The following PIK3CB variants were observed in gnomAD, a reference collection of about 807,000 sequenced individuals.
PIK3CB encodes the protein phosphatidylinositol 4,5-bisphosphate 3-kinase catalytic subunit beta isoform.
Under a neutral mutation model 136.8 loss-of-function variants are expected in PIK3CB, and 39 were observed. That is an observed-to-expected ratio of 0.29 (90% CI 0.22 to 0.37). The LOEUF (loss-of-function observed/expected upper bound fraction) is 0.37. Among genes scored for constraint, PIK3CB ranks in the 10% least tolerant of loss-of-function variants. The probability of loss-of-function intolerance (pLI) is 1.00; values close to 1 mark genes in which losing one functional copy is unlikely to be tolerated. For missense variants in PIK3CB, 868 were observed against 1,275.4 expected, an observed-to-expected ratio of 0.68 and a Z score of 4.87; for synonymous variants, 428 against 436.6, an observed-to-expected ratio of 0.98 and a Z score of 0.25.
At chr3:138,831,119 A>T (rs1334239884) in intron 1 of PIK3CB, among the ~76,000 whole-genome samples, 1 of 48,944 alleles carries the variant, frequency 2.0e-5, no homozygotes, top group African/African-American at 8.2e-5. Flanking sequence ...CGTCTCTACT[A>T]AAAAAAAAAT....
intron 15 of PIK3CB, among the ~76,000 whole-genome samples, chr3:138,690,722 AC>A (rs376580567): frequency 0.028 from 4,089 of 146,248 alleles, 194 homozygotes; most frequent in African/African-American, 0.1. Context: ...GAAAACACAC[AC>A]AAAAAAAAAA....
intron 14 of PIK3CB, among the ~76,000 whole-genome samples, chr3:138,693,968 A>ATATATATATATATATATAT (rs2044076997): frequency 1.7e-5 from 1 of 59,058 alleles, no homozygotes; most frequent in African/African-American, 1.1e-4. Context: ...TATATATATT[A>ATATATATATATATATATAT]TATATATATA....
intron 21 of PIK3CB, among the ~76,000 whole-genome samples, chr3:138,660,143 C>T (rs530700831): frequency 6.6e-6 from 1 of 151,962 alleles, no homozygotes; most frequent in East Asian, 1.9e-4. Flanking sequence ...GGTTAAAATC[C>T]TGATATGTCT....
intron 10 of PIK3CB, among the ~76,000 whole-genome samples, chr3:138,711,509 G>A (rs1230957212): frequency 1.4e-5 from 2 of 147,250 alleles, no homozygotes; most frequent in Admixed American, 1.4e-4. Flanking sequence ...AACCTGGGAG[G>A]CAGAGGTTGC....
At chr3:138,732,445 C>T (rs765285392) in intron 8 of PIK3CB, among the ~76,000 whole-genome samples, 4 of 152,090 alleles carry the variant, frequency 2.6e-5, no homozygotes, top group Non-Finnish European at 5.9e-5. Flanking sequence ...GCAAGGGGCT[C>T]CTGAATATAT....
intron 7 of PIK3CB, among the ~76,000 whole-genome samples, chr3:138,733,666 CAGG>C (rs1480017926): frequency 6.6e-6 from 1 of 152,142 alleles, no homozygotes; most frequent in East Asian, 1.9e-4. Flanking sequence ...ATCATGAGGT[CAGG>C]AGATCGAGAC....
In PIK3CB at chr3:138,658,448, T is replaced by TCAA. The variant is rs369703636; in HGVS notation, c.2797-616_2797-614dup. On this transcript the variant is annotated intron_variant, in intron 21 of 23. Transcript: ENST00000674063. ...CTGGGTGACAGAGTAAGACCCTGTCTCAACAACAACAACAACAACAAAAAA... is the reference window on the plus strand; with the variant it reads ...CTGGGTGACAGAGTAAGACCCTGTCTCAACAACAACAACAACAACAACAAAAAA... Among the ~76,000 whole-genome samples, 1,306 of 151,948 alleles carry TCAA rather than the reference T, an allele frequency of 8.6e-3. 27 individuals carry two copies. Among genetic ancestry groups the TCAA allele is most frequent in the African/African-American group, 0.028 (1,176 of 41,406 alleles).
intron 2 of PIK3CB, among the ~76,000 whole-genome samples, chr3:138,791,863 G>A (rs972203184): frequency 6.6e-6 from 1 of 152,114 alleles, no homozygotes; most frequent in Admixed American, 6.6e-5. Context: ...CTTCATCAAT[G>A]TCTACTTTTC....
rs145547666 is a variant in PIK3CB at position 138,684,954 on chromosome 3, C to G, written c.2137-151G>C. On this transcript the variant is annotated intron_variant, in intron 16 of 23. Coordinates refer to ENST00000674063, the MANE Select transcript of PIK3CB (RefSeq NM_006219.3). ...TGAAGTAAAAATAGTGTCTGACTTACGAAAAGCATTTTACATACAATAAAC... is the reference window on the plus strand; with the variant it reads ...TGAAGTAAAAATAGTGTCTGACTTAGGAAAAGCATTTTACATACAATAAAC... The G allele has an allele frequency of 2.8e-5, 14 of 507,848 alleles. No individual in the cohort carries two copies. The African/African-American group carries it at 2.8e-4, about 10-fold the overall frequency. The allele number at this position is 507,848 out of a possible 1,614,324, so 31.5% of individuals were successfully genotyped here. A position where few individuals can be genotyped will look rare whatever the true frequency, so the allele number is the denominator to read the frequency against.
At chr3:138,815,180 T>TAC (rs1933264383) in intron 1 of PIK3CB, among the ~76,000 whole-genome samples, 1 of 110,046 alleles carries the variant, frequency 9.1e-6, no homozygotes, top group Non-Finnish European at 1.8e-5. Flanking sequence ...TATATATACA[T>TAC]ATATATATAT....
At chr3:138,798,545 T>C (rs902854345) in intron 1 of PIK3CB, among the ~76,000 whole-genome samples, 5 of 152,090 alleles carry the variant, frequency 3.3e-5, no homozygotes, top group Admixed American at 2.6e-4. Flanking sequence ...GTTTCCTAGG[T>C]GGGGTGGAGC....
intron 22 of PIK3CB, 164 bp downstream of exon 22, chr3:138,657,526 T>G: frequency 1.7e-6 from 1 of 574,256 alleles, no homozygotes; most frequent in Non-Finnish European, 3.0e-6. Context: ...TGGGAATTTC[T>G]GAACCAGCAC....
chr3:138,741,440 A>G (rs2045241805), intron 5 of PIK3CB, among the ~76,000 whole-genome samples: 1 of 152,234 alleles, frequency 6.6e-6, no homozygotes. Flanking sequence ...AGTGCTCAAC[A>G]CAGAACAACG....
At chr3:138,726,111 T>C (rs767282248) in intron 8 of PIK3CB, among the ~76,000 whole-genome samples, 2 of 152,238 alleles carry the variant, frequency 1.3e-5, no homozygotes, top group Non-Finnish European at 2.9e-5. Context: ...CTGTCCCATG[T>C]GTGCACTACA....
At chr3:138,678,032 T>C (rs1481304824) in intron 19 of PIK3CB, among the ~76,000 whole-genome samples, 1 of 152,170 alleles carries the variant, frequency 6.6e-6, no homozygotes, top group Non-Finnish European at 1.5e-5. Flanking sequence ...CAGATACTTG[T>C]AAGACTGAGG....
intron 1 of PIK3CB, among the ~76,000 whole-genome samples, chr3:138,821,423 T>G (rs898433003): frequency 6.6e-5 from 10 of 151,518 alleles, no homozygotes; most frequent in Non-Finnish European, 1.2e-4. Context: ...ATGTACAAAT[T>G]ACAGAGATAT....
At chr3:138,733,873 G>C (rs1298114893) in intron 7 of PIK3CB, among the ~76,000 whole-genome samples, 1 of 151,248 alleles carries the variant, frequency 6.6e-6, no homozygotes. Flanking sequence ...GCAAGACTCT[G>C]TCTCAAAAAA....
At chr3:138,699,279 TCTTAAA>T (rs1446216804) in intron 12 of PIK3CB, among the ~76,000 whole-genome samples, 184 bp from the exon 13 acceptor site, 1 of 150,914 alleles carries the variant, frequency 6.6e-6, no homozygotes, top group Non-Finnish European at 1.5e-5. Flanking sequence ...ATGAAGAGAT[TCTTAAA>T]ACAGTTTCTA....
At chr3:138,781,545 C>T (rs767834032) in intron 2 of PIK3CB, among the ~76,000 whole-genome samples, 26 of 151,850 alleles carry the variant, frequency 1.7e-4, no homozygotes, top group Non-Finnish European at 2.6e-4. Flanking sequence ...CTCCGACTCC[C>T]GGGTTCAGGT....
Sources: gnomAD v4.1 joint callset for allele counts (sites outside exome capture counted in the v4.1 genomes callset) on GRCh38, gnomAD v4.1.1 for gene constraint, MANE v1.5 for transcripts, NCBI Gene and HGNC (gene_info 2026-07-23, HGNC 2026-07-21) for gene names.